STARD13: variants seen among roughly 807,000 people sequenced by gnomAD.
STARD13 encodes the protein StAR related lipid transfer domain containing 13.
Under a neutral mutation model 106.4 loss-of-function variants are expected in STARD13, and 62 were observed. The observed-to-expected ratio is 0.58, with a 90% CI of 0.48 to 0.72. The LOEUF is 0.72. Among genes scored for constraint, STARD13 ranks in the 30% least tolerant of loss-of-function variants. The pLI, the probability that STARD13 is intolerant of heterozygous loss-of-function variation, is 0.00. For missense variants in STARD13, 1,387 were observed against 1,424.0 expected, an observed-to-expected ratio of 0.97 and a Z score of 0.42; for synonymous variants, 565 against 553.0, an observed-to-expected ratio of 1.02 and a Z score of -0.31.
chr13:33,124,900 G>A (rs1197182879), intron 7 of STARD13, among the ~76,000 whole-genome samples: 4 of 152,072 alleles, frequency 2.6e-5, no homozygotes, highest in Non-Finnish European at 5.9e-5. Context: ...AAACTAAACA[G>A]CCATCCTCAC....
chr13:33,552,016 A>G, the STARD13 span, among the ~76,000 whole-genome samples: 1 of 152,226 alleles, frequency 6.6e-6, no homozygotes, highest in Non-Finnish European at 1.5e-5. Flanking sequence ...TAGACAAAAT[A>G]CACTTTGAGA....
chr13:33,504,139 AC>A, the STARD13 span, among the ~76,000 whole-genome samples: 5 of 152,172 alleles, frequency 3.3e-5, no homozygotes, highest in Non-Finnish European at 7.3e-5. Flanking sequence ...AAATAGGAAC[AC>A]TTTTACACTG....
the STARD13 span, among the ~76,000 whole-genome samples, chr13:33,527,821 A>G: frequency 1.3e-5 from 2 of 151,834 alleles, no homozygotes; most frequent in Non-Finnish European, 2.9e-5. Context: ...TCTTACTCAG[A>G]TGATTTGAAA....
chr13:33,414,020 G>A, the STARD13 span, among the ~76,000 whole-genome samples: 1 of 126,642 alleles, frequency 7.9e-6, no homozygotes, highest in Non-Finnish European at 1.5e-5. Flanking sequence ...GGGACAGAGT[G>A]AGATTCCCTC....
the STARD13 span, among the ~76,000 whole-genome samples, chr13:33,452,706 C>A: frequency 6.6e-6 from 1 of 152,080 alleles, no homozygotes; most frequent in African/African-American, 2.4e-5. Flanking sequence ...GTAATATAGA[C>A]CTCATAAAAA....
chr13:33,315,898 G>C (rs1893314195), intron 1 of STARD13, among the ~76,000 whole-genome samples: 1 of 151,940 alleles, frequency 6.6e-6, no homozygotes, highest in South Asian at 2.1e-4. Context: ...CCAGCATTTT[G>C]GGAGCAGTGG....
At chr13:33,421,704 C>A in the STARD13 span, among the ~76,000 whole-genome samples, 1 of 152,134 alleles carries the variant, frequency 6.6e-6, no homozygotes, top group Non-Finnish European at 1.5e-5. Flanking sequence ...CAATAAAATA[C>A]CAGCAAACCG....
At chr13:33,645,611 G>A in the STARD13 span, among the ~76,000 whole-genome samples, 1 of 152,180 alleles carries the variant, frequency 6.6e-6, no homozygotes, top group East Asian at 1.9e-4. Context: ...TAGAATTTGG[G>A]CAGCCAAAGT....
chr13:33,214,125 ATC>A (rs1457849390), intron 1 of STARD13, among the ~76,000 whole-genome samples: 14 of 152,222 alleles, frequency 9.2e-5, no homozygotes, highest in Non-Finnish European at 7.3e-5. Flanking sequence ...AAAATCTAGC[ATC>A]TCTTTTAAAG....
the STARD13 span, among the ~76,000 whole-genome samples, chr13:33,528,393 C>T: frequency 2.7e-3 from 407 of 150,498 alleles, 1 homozygote; most frequent in African/African-American, 9.4e-3. Context: ...CTTCAGTCTC[C>T]GATGTAGCTG....
chr13:33,440,509 T>C, the STARD13 span, among the ~76,000 whole-genome samples: 3 of 151,732 alleles, frequency 2.0e-5, no homozygotes, highest in Admixed American at 2.0e-4. Flanking sequence ...ATGCTGTCCC[T>C]GCTGTCTTTT....
chr13:33,468,448 A>C, the STARD13 span, among the ~76,000 whole-genome samples: 15 of 152,200 alleles, frequency 9.9e-5, no homozygotes, highest in Non-Finnish European at 8.8e-5. Context: ...GTGAGGCTTC[A>C]TGGAAGGTGT....
the STARD13 span, among the ~76,000 whole-genome samples, chr13:33,451,005 C>T: frequency 6.6e-6 from 1 of 152,266 alleles, no homozygotes; most frequent in African/African-American, 2.4e-5. Context: ...ACCTCTGCCT[C>T]CTGAGTAGCT....
the STARD13 span, among the ~76,000 whole-genome samples, chr13:33,409,913 C>A: frequency 2.0e-5 from 3 of 152,192 alleles, no homozygotes; most frequent in Non-Finnish European, 1.5e-5. Context: ...CAAATGTCAG[C>A]CTTTACAGTC....
chr13:33,434,610 T>C, the STARD13 span, among the ~76,000 whole-genome samples: 1 of 152,116 alleles, frequency 6.6e-6, no homozygotes, highest in African/African-American at 2.4e-5. Context: ...TGTATTCCTC[T>C]AGTATCTTGG....
intron 1 of STARD13, among the ~76,000 whole-genome samples, chr13:33,231,530 A>G (rs1258032975): frequency 6.6e-6 from 1 of 152,166 alleles, no homozygotes; most frequent in Non-Finnish European, 1.5e-5. Flanking sequence ...GAGGAGGGGC[A>G]GATTTGGGGG....
chr13:33,236,779 C>T (rs1889211850), intron 1 of STARD13, among the ~76,000 whole-genome samples: 1 of 152,244 alleles, frequency 6.6e-6, no homozygotes, highest in South Asian at 2.1e-4. Context: ...GTTACAACCA[C>T]TCTGGCTCAC....
intron 1 of STARD13, among the ~76,000 whole-genome samples, chr13:33,260,474 A>G (rs961982833): frequency 2.0e-5 from 3 of 152,150 alleles, no homozygotes; most frequent in Non-Finnish European, 4.4e-5. Context: ...AGGTCATCAA[A>G]TCTGAAGCCC....
At chr13:33,173,046 C>G (rs959376129) in intron 1 of STARD13, among the ~76,000 whole-genome samples, 18 of 152,232 alleles carry the variant, frequency 1.2e-4, no homozygotes, top group African/African-American at 4.1e-4. Flanking sequence ...TTAAACTGGC[C>G]TATTTGGTGG....
Sources: gnomAD v4.1 joint callset for allele counts (sites outside exome capture counted in the v4.1 genomes callset) on GRCh38, gnomAD v4.1.1 for gene constraint, MANE v1.5 for transcripts, NCBI Gene and HGNC (gene_info 2026-07-23, HGNC 2026-07-21) for gene names.